Variants in ATPAF2 observed in about 807,000 individuals in gnomAD.
ATPAF2 encodes ATP12 homolog.
In ATPAF2, 30 loss-of-function variants were observed where a neutral mutation model predicts 36.6. That is an observed-to-expected ratio of 0.82 (90% confidence interval 0.61 to 1.11). The LOEUF (loss-of-function observed/expected upper bound fraction) is 1.11, where lower values mean the gene tolerates loss of function less well. Among genes scored for constraint, ATPAF2 ranks in the 50% most tolerant of loss-of-function variants. ATPAF2 has a pLI of 0.00. For missense variants in ATPAF2, 321 were observed against 372.3 expected (o/e 0.86, Z 1.13); for synonymous variants, 140 against 152.6 (o/e 0.92, Z 0.61).
At chr17:18,017,041 G>A (rs545034268), downstream of ATPAF2, among the ~76,000 whole-genome samples, 6 of 151,742 alleles carry the variant, frequency 4.0e-5, no homozygotes, top group South Asian at 2.1e-4. Flanking sequence ...ATGTGGTAGC[G>A]TGCACCTGTA....
intron 1 of ATPAF2, 56 bp from the exon 2 acceptor site, chr17:18,028,715 A>G: frequency 6.7e-7 from 1 of 1,500,222 alleles, no homozygotes; most frequent in Non-Finnish European, 9.3e-7. Context: ...ACAACTCAGG[A>G]AGCGACAGGA....
intron 1 of ATPAF2, among the ~76,000 whole-genome samples, chr17:18,028,941 G>A (rs1338330964): frequency 6.6e-6 from 1 of 152,106 alleles, no homozygotes; most frequent in Middle Eastern, 3.2e-3. Context: ...GGAGCATCTC[G>A]GCATGCTCTC....
At chr17:18,030,830 CTTTTT>C (rs34365252) in intron 1 of ATPAF2, among the ~76,000 whole-genome samples, 1 of 80,086 alleles carries the variant, frequency 1.2e-5, no homozygotes, top group Non-Finnish European at 2.3e-5. Context: ...CCACGCCTGG[CTTTTT>C]TTTTTTTTTT....
intron 7 of ATPAF2, among the ~76,000 whole-genome samples, chr17:18,019,965 C>A (rs572785370): frequency 6.6e-6 from 1 of 152,328 alleles, no homozygotes; most frequent in African/African-American, 2.4e-5. Context: ...CTACAAGTCA[C>A]CCCCTTCCTA....
At chr17:18,025,938 A>G (rs1199721954) in intron 4 of ATPAF2, 2 of 352,122 alleles carry the variant, frequency 5.7e-6, no homozygotes, top group Non-Finnish European at 1.1e-5. Context: ...CTGGAGAAGG[A>G]CACTCCTAGT....
At chr17:18,032,390 A>G (rs1459244045) in intron 1 of ATPAF2, among the ~76,000 whole-genome samples, 3 of 152,172 alleles carry the variant, frequency 2.0e-5, no homozygotes, top group Non-Finnish European at 2.9e-5. Context: ...AAAAAACTAG[A>G]TGGGAGTGGG....
chr17:18,028,941 G>T (rs1338330964), intron 1 of ATPAF2, among the ~76,000 whole-genome samples: 1 of 152,106 alleles, frequency 6.6e-6, no homozygotes, highest in African/African-American at 2.4e-5. Flanking sequence ...GGAGCATCTC[G>T]GCATGCTCTC....
chr17:18,021,702 C>T (rs1486467825), intron 6 of ATPAF2, 43 bp downstream of exon 6: 2 of 1,561,622 alleles, frequency 1.3e-6, no homozygotes, highest in African/African-American at 1.4e-5. Flanking sequence ...CACTGATGGC[C>T]TTCACAGCCA....
At chr17:18,029,981 G>A (rs1240114930) in intron 1 of ATPAF2, among the ~76,000 whole-genome samples, 1 of 150,792 alleles carries the variant, frequency 6.6e-6, no homozygotes, top group East Asian at 2.0e-4. Flanking sequence ...GAGGCCAGGA[G>A]TTCAAGACCC....
chr17:18,036,133 C>T (rs994942562), intron 1 of ATPAF2, among the ~76,000 whole-genome samples: 4 of 152,208 alleles, frequency 2.6e-5, no homozygotes, highest in African/African-American at 9.7e-5. Context: ...TTCTGATAAC[C>T]TTCAATGGCA....
chr17:18,016,926 C>G (rs948099942), downstream of ATPAF2: 1 of 304,268 alleles, frequency 3.3e-6, no homozygotes. Context: ...GTAATCCCAG[C>G]ACTTTGGGAG....
At chr17:18,026,109 G>C in intron 4 of ATPAF2, 1 of 640,364 alleles carries the variant, frequency 1.6e-6, no homozygotes, top group Non-Finnish European at 2.8e-6. Context: ...CTGGGCTAGA[G>C]AAGAGGGGTG....
At chr17:18,020,909 C>T (rs892890514) in intron 7 of ATPAF2, 140 of 1,276,260 alleles carry the variant, frequency 1.1e-4, no homozygotes, top group Non-Finnish European at 2.3e-5. Flanking sequence ...GATCCATCCT[C>T]CTCAGCCACC....
intron 7 of ATPAF2, among the ~76,000 whole-genome samples, chr17:18,020,415 G>A (rs2044452619): frequency 6.6e-6 from 1 of 152,224 alleles, no homozygotes; most frequent in African/African-American, 2.4e-5. Flanking sequence ...GCTTTATCAA[G>A]CCCAGATGGT....
rs965426524 is a variant in ATPAF2, at chr17:18,018,177, A to T, written c.*372T>A. ...CAGATATCCAAACACGCCATGGGAG[A>T]TAAGCTGTTTAACCCTCTGGAACCT... On this transcript the variant is annotated 3_prime_UTR_variant, in exon 8 of 8. Transcript: ENST00000474627. 2 of 326,758 alleles carry T rather than the reference A, an allele frequency of 6.1e-6. No homozygotes were observed. The highest frequency in any genetic ancestry group is 1.2e-5 in the Non-Finnish European group (2 of 168,656). 20.2% of individuals were successfully genotyped at this position (326,758 alleles called of 1,614,324 possible).
At chr17:18,037,230 C>G (rs557732429) in intron 1 of ATPAF2, among the ~76,000 whole-genome samples, 2 of 152,278 alleles carry the variant, frequency 1.3e-5, no homozygotes, top group South Asian at 4.1e-4. Context: ...CAGGCCCTTC[C>G]CCTGAGTCCT....
At chr17:18,017,341 C>T (rs759608466), downstream of ATPAF2, among the ~76,000 whole-genome samples, 2 of 152,218 alleles carry the variant, frequency 1.3e-5, no homozygotes, top group African/African-American at 2.4e-5. Context: ...GTGCCCCTGC[C>T]GTTTCCCCTG....
chr17:18,016,331 C>G (rs748904097), downstream of ATPAF2: 17 of 1,061,492 alleles, frequency 1.6e-5, no homozygotes, highest in Admixed American at 4.4e-5. Flanking sequence ...TTATAGAATT[C>G]CACACTGAAG....
chr17:18,032,504 A>C (rs2044650033), intron 1 of ATPAF2, among the ~76,000 whole-genome samples: 1 of 152,272 alleles, frequency 6.6e-6, no homozygotes, highest in Non-Finnish European at 1.5e-5. Context: ...AGGGGCCGCC[A>C]GGCCTCAGAT....
Sources: allele counts gnomAD v4.1 joint callset (sites outside exome capture counted in the v4.1 genomes callset), GRCh38; gene constraint gnomAD v4.1.1; transcripts MANE v1.5; gene names NCBI Gene and HGNC (gene_info 2026-07-23, HGNC 2026-07-21).